ADGRL3: variants seen among roughly 807,000 people sequenced by gnomAD.
The protein encoded by ADGRL3 is adhesion G protein-coupled receptor L3.
A neutral mutation model predicts 153.5 loss-of-function variants in ADGRL3; 62 were observed. That is an observed-to-expected ratio of 0.40 (90% CI 0.33 to 0.50). The LOEUF (loss-of-function observed/expected upper bound fraction) is 0.50, where lower values mean the gene tolerates loss of function less well. ADGRL3 is among the 20% of genes least tolerant of loss of function. The probability of loss-of-function intolerance (pLI) is 0.47; values close to 1 mark genes in which losing one functional copy is unlikely to be tolerated. For synonymous variants in ADGRL3, 710 were observed against 672.5 expected (o/e 1.06, Z -0.86); for missense variants, 1,641 against 1,859.4 (o/e 0.88, Z 2.16).
intron 1 of ADGRL3, among the ~76,000 whole-genome samples, chr4:61,282,031 C>G (rs1247880904): frequency 1.3e-5 from 2 of 151,902 alleles, no homozygotes; most frequent in Non-Finnish European, 2.9e-5. Flanking sequence ...ATTTGGCTAT[C>G]AAGATTCTGT....
chr4:61,957,209 C>A (rs2150419364), intron 17 of ADGRL3, among the ~76,000 whole-genome samples: 1 of 152,192 alleles, frequency 6.6e-6, no homozygotes, highest in Non-Finnish European at 1.5e-5. Flanking sequence ...TCTCTTATTT[C>A]TTTGAACAGT....
intron 1 of ADGRL3, among the ~76,000 whole-genome samples, chr4:61,310,272 G>C (rs2094948210): frequency 6.6e-6 from 1 of 151,838 alleles, no homozygotes; most frequent in African/African-American, 2.4e-5. Context: ...TAACCACTCA[G>C]TGATTATTTA....
intron 21 of ADGRL3, among the ~76,000 whole-genome samples, chr4:62,007,356 T>TATATATATATATATATATA (rs1553908564): frequency 6.5e-5 from 2 of 30,914 alleles, no homozygotes; most frequent in African/African-American, 2.5e-4. Flanking sequence ...GACAAAATGA[T>TATATATATATATATATATA]TATATATATA....
At chr4:62,027,992 T>C (rs1297720549) in intron 21 of ADGRL3, among the ~76,000 whole-genome samples, 1 of 151,902 alleles carries the variant, frequency 6.6e-6, no homozygotes, top group Admixed American at 6.6e-5. Flanking sequence ...TCAGTGGTTC[T>C]CTTTATTCAA....
At chr4:61,630,992 G>A (rs2093130565) in intron 5 of ADGRL3, among the ~76,000 whole-genome samples, 6 of 152,140 alleles carry the variant, frequency 3.9e-5, no homozygotes, top group Admixed American at 6.5e-5. Flanking sequence ...TAAAGTAATC[G>A]ATAGCAGGCA....
At chr4:61,489,267 TC>T (rs2098231486) in intron 2 of ADGRL3, among the ~76,000 whole-genome samples, 2 of 151,870 alleles carry the variant, frequency 1.3e-5, no homozygotes, top group Admixed American at 1.3e-4. Flanking sequence ...CTTTTCACAC[TC>T]TAAAGCTCCT....
intron 6 of ADGRL3, among the ~76,000 whole-genome samples, chr4:61,714,800 C>T (rs1014142278): frequency 6.6e-6 from 1 of 152,082 alleles, no homozygotes; most frequent in Non-Finnish European, 1.5e-5. Context: ...TTGGCTTTTC[C>T]TCTTTTTCTT....
rs2148876771 is a variant in ADGRL3 at position 61,555,045 on chromosome 4, T to G, written c.260-32182T>G. On this transcript the variant is annotated intron_variant, in intron 4 of 26. Transcript: ENST00000683033. ...AGTAAGAGCTGTCTCATTTTCTTCT[T>G]CTTGGTATGGGAGAGAACACCTTTA... Among the ~76,000 whole-genome samples, 3 of 152,284 alleles carry G rather than the reference T, an allele frequency of 2.0e-5. No homozygotes were observed. In the South Asian group the frequency reaches 6.2e-4, roughly 32 times the overall value.
intron 8 of ADGRL3, among the ~76,000 whole-genome samples, chr4:61,800,166 C>T (rs890959944): frequency 6.6e-6 from 1 of 152,110 alleles, no homozygotes; most frequent in African/African-American, 2.4e-5. Flanking sequence ...AAGAAACCTT[C>T]TTAACCATCT....
intron 9 of ADGRL3, among the ~76,000 whole-genome samples, chr4:61,889,022 T>C (rs758058062): frequency 1.3e-5 from 2 of 152,182 alleles, no homozygotes; most frequent in Non-Finnish European, 2.9e-5. Context: ...TTATCCTTTC[T>C]CTTATTTTGT....
At chr4:61,242,736 C>T (rs1227695330) in intron 1 of ADGRL3, among the ~76,000 whole-genome samples, 1 of 152,024 alleles carries the variant, frequency 6.6e-6, no homozygotes, top group African/African-American at 2.4e-5. Flanking sequence ...TTACCCTTAA[C>T]TGTATAGGAA....
intron 1 of ADGRL3, among the ~76,000 whole-genome samples, chr4:61,362,256 G>C (rs2096295757): frequency 6.6e-6 from 1 of 150,994 alleles, no homozygotes. Flanking sequence ...GCCTTCCTCG[G>C]CCTCCCAAAG....
chr4:61,302,578 C>A (rs2094614323), intron 1 of ADGRL3, among the ~76,000 whole-genome samples: 1 of 151,950 alleles, frequency 6.6e-6, no homozygotes, highest in Non-Finnish European at 1.5e-5. Context: ...GATTTAACTT[C>A]ACTCCTAAAG....
intron 9 of ADGRL3, among the ~76,000 whole-genome samples, chr4:61,826,322 T>C (rs555824259): frequency 6.6e-6 from 1 of 152,312 alleles, no homozygotes; most frequent in African/African-American, 2.4e-5. Flanking sequence ...ATTTATAGTA[T>C]ATTAACTAAT....
intron 2 of ADGRL3, among the ~76,000 whole-genome samples, chr4:61,411,998 T>C (rs1424598184): frequency 5.3e-5 from 8 of 152,184 alleles, no homozygotes; most frequent in Non-Finnish European, 7.4e-5. Flanking sequence ...AAATATGAAT[T>C]GAATTCTGGA....
At chr4:61,360,679 C>A (rs1269883759) in intron 1 of ADGRL3, among the ~76,000 whole-genome samples, 2 of 152,124 alleles carry the variant, frequency 1.3e-5, no homozygotes, top group South Asian at 2.1e-4. Context: ...CTGAATGCAA[C>A]ATTTTTCAAT....
intron 12 of ADGRL3, 55 bp downstream of exon 12, chr4:61,909,800 T>TAAA: frequency 7.5e-7 from 1 of 1,342,108 alleles, no homozygotes; most frequent in Non-Finnish European, 1.0e-6. Flanking sequence ...TGTGTGTGTG[T>TAAA]GTCTTTAAAG....
chr4:62,038,712 C>T (rs1726506457), intron 24 of ADGRL3, among the ~76,000 whole-genome samples: 1 of 152,072 alleles, frequency 6.6e-6, no homozygotes, highest in Non-Finnish European at 1.5e-5. Context: ...AGCAATCTTC[C>T]CACGTCAGCC....
At chr4:61,946,826 A>G in intron 15 of ADGRL3, 88 bp from the exon 16 acceptor site, 2 of 998,610 alleles carry the variant, frequency 2.0e-6, no homozygotes. Context: ...GTGTGAATAC[A>G]TACTACATGG....
Sources: gnomAD v4.1 joint callset for allele counts (sites outside exome capture counted in the v4.1 genomes callset) on GRCh38, gnomAD v4.1.1 for gene constraint, MANE v1.5 for transcripts, NCBI Gene and HGNC (gene_info 2026-07-23, HGNC 2026-07-21) for gene names.